The following ADAM32 variants were observed in gnomAD, a reference collection of about 807,000 sequenced individuals.
ADAM32 encodes the protein ADAM metallopeptidase domain 32.
Under a neutral mutation model 114.9 loss-of-function variants are expected in ADAM32, and 89 were observed. The ratio of observed to expected loss-of-function variants is 0.77; its 90% CI spans 0.65 to 0.92. ADAM32 has a LOEUF of 0.92. Ranked by LOEUF, ADAM32 falls within the 40% of genes least tolerant of loss-of-function variation. The probability of loss-of-function intolerance (pLI) is 0.00; values close to 1 mark genes in which losing one functional copy is unlikely to be tolerated. For synonymous variants in ADAM32, 285 were observed against 307.5 expected (o/e 0.93, Z 0.77); for missense variants, 870 against 932.8 (o/e 0.93, Z 0.88).
intron 22 of ADAM32, among the ~76,000 whole-genome samples, chr8:39,279,621 A>G (rs1446828038): frequency 6.6e-6 from 1 of 152,074 alleles, no homozygotes; most frequent in Admixed American, 6.6e-5. Flanking sequence ...CATGTATTAC[A>G]TCTTTCTACC....
At chr8:39,123,989 G>C (rs1312055542) in intron 2 of ADAM32, among the ~76,000 whole-genome samples, 1 of 151,692 alleles carries the variant, frequency 6.6e-6, no homozygotes, top group Non-Finnish European at 1.5e-5. Context: ...TTACAGGCAT[G>C]AGCCACTGTG....
chr8:39,132,640 G>A (rs776000772), intron 2 of ADAM32, among the ~76,000 whole-genome samples: 13 of 152,178 alleles, frequency 8.5e-5, no homozygotes, highest in South Asian at 6.2e-4. Context: ...TTACCATCTG[G>A]TGTTATTTCC....
chr8:39,151,227 C>G (rs1564490436), intron 5 of ADAM32, 150 bp from the exon 6 acceptor site: 2 of 615,284 alleles, frequency 3.3e-6, no homozygotes, highest in African/African-American at 1.9e-5. Flanking sequence ...TTTGGGAAAT[C>G]TTTTGTCTCT....
intron 10 of ADAM32, among the ~76,000 whole-genome samples, chr8:39,173,047 C>T (rs1360851762): frequency 6.6e-6 from 1 of 152,172 alleles, no homozygotes; most frequent in Non-Finnish European, 1.5e-5. Flanking sequence ...ATCACGAGGT[C>T]AGGAGTTTGA....
intron 16 of ADAM32, among the ~76,000 whole-genome samples, chr8:39,244,522 A>C (rs955777058): frequency 1.3e-5 from 2 of 152,256 alleles, no homozygotes; most frequent in African/African-American, 4.8e-5. Flanking sequence ...GATCTTTGAC[A>C]AAGCAAACAA....
rs772951550 is a variant in ADAM32 at position 39,211,148 on chromosome 8, T to G, written c.1057T>G (p.Ser353Ala). Residue 353 changes from serine to alanine, a missense_variant, in exon 12 of 25, where the codon TCC becomes GCC. Physicochemically the swap from Ser to Ala is moderately conservative, Grantham distance 99. Coordinates refer to ENST00000379907, the MANE Select transcript of ADAM32 (RefSeq NM_145004.7). ...ATTATATGGATTCATCTTTAGGCAA[T>G]CCAATGGTGTGAAGACTTTTAGCAG... is the stretch of plus-strand genomic sequence containing the variant. ...TCIMNPEVVQ[S>A]NGVKTFSSCS... 6.4e-7 allele frequency: 1 copy of G among 1,574,768 alleles called. No individual in the cohort carries two copies. Among genetic ancestry groups the G allele is most frequent in the Non-Finnish European group, 8.6e-7 (1 of 1,163,872 alleles).
intron 22 of ADAM32, among the ~76,000 whole-genome samples, chr8:39,277,515 C>T (rs1380595473): frequency 6.6e-6 from 1 of 152,206 alleles, no homozygotes; most frequent in African/African-American, 2.4e-5. Context: ...TTCCCTGACC[C>T]CTTCAGGGGA....
chr8:39,163,990 A>G (rs1475551945), intron 7 of ADAM32, among the ~76,000 whole-genome samples: 5 of 152,174 alleles, frequency 3.3e-5, no homozygotes. Context: ...GTATGTATAC[A>G]TACACACACA....
intron 10 of ADAM32, among the ~76,000 whole-genome samples, chr8:39,174,726 A>G (rs1585458231): frequency 6.9e-6 from 1 of 145,208 alleles, no homozygotes; most frequent in African/African-American, 2.6e-5. Context: ...AAGAATGTCA[A>G]TGGTAGTTTA....
chr8:39,230,004 C>T (rs111725568), intron 14 of ADAM32, among the ~76,000 whole-genome samples: 1 of 152,236 alleles, frequency 6.6e-6, no homozygotes, highest in Non-Finnish European at 1.5e-5. Context: ...CTCTCTCAGA[C>T]CACATTTATC....
At chr8:39,199,055 A>G (rs1304720851) in intron 11 of ADAM32, among the ~76,000 whole-genome samples, 2 of 152,148 alleles carry the variant, frequency 1.3e-5, no homozygotes, top group Non-Finnish European at 2.9e-5. Context: ...CTGGCCTATA[A>G]GGTTTCTGCT....
chr8:39,167,455 A>C (rs1451383847), intron 9 of ADAM32: 2 of 152,178 alleles, frequency 1.3e-5, no homozygotes, highest in African/African-American at 4.8e-5. Flanking sequence ...GCCTTACAGT[A>C]TAGTTTCAAA....
At chr8:39,175,048 T>C (rs1440107734) in intron 10 of ADAM32, among the ~76,000 whole-genome samples, 1 of 152,208 alleles carries the variant, frequency 6.6e-6, no homozygotes, top group Non-Finnish European at 1.5e-5. Flanking sequence ...CCTGAGACAT[T>C]GCTGAAGTTG....
At chr8:39,226,850 G>A (rs1440236950) in intron 14 of ADAM32, among the ~76,000 whole-genome samples, 2 of 152,150 alleles carry the variant, frequency 1.3e-5, no homozygotes, top group African/African-American at 2.4e-5. Context: ...GTAAAAGTAA[G>A]TATATAGTCA....
intron 1 of ADAM32, among the ~76,000 whole-genome samples, chr8:39,115,585 TG>T (rs199966880): frequency 2.6e-5 from 4 of 151,742 alleles, no homozygotes; most frequent in African/African-American, 9.7e-5. Context: ...CATTTTTTAA[TG>T]GGTTTTTTTT....
At chr8:39,157,894 T>C in intron 6 of ADAM32, 1 of 465,440 alleles carries the variant, frequency 2.1e-6, no homozygotes, top group Non-Finnish European at 4.0e-6. Flanking sequence ...TTCTTGTTGA[T>C]CTCAGTGCAG....
At chr8:39,130,944 G>A (rs10101239) in intron 2 of ADAM32, 180,400 of 424,174 alleles carry the variant, frequency 0.43, 39,058 homozygotes, top group East Asian at 0.6. Flanking sequence ...GGAGACTGAG[G>A]CAGGAGGATG....
chr8:39,154,488 A>G (rs540967208), intron 6 of ADAM32, among the ~76,000 whole-genome samples: 2 of 152,136 alleles, frequency 1.3e-5, no homozygotes, highest in Non-Finnish European at 2.9e-5. Flanking sequence ...TGAACAGTGC[A>G]GCAATAAACA....
At chr8:39,228,375 G>A (rs771241093) in intron 14 of ADAM32, among the ~76,000 whole-genome samples, 25 of 152,156 alleles carry the variant, frequency 1.6e-4, no homozygotes, top group Non-Finnish European at 3.1e-4. Flanking sequence ...TAGCTATTAA[G>A]CTAATCAGGG....
Sources: allele counts gnomAD v4.1 joint callset (sites outside exome capture counted in the v4.1 genomes callset), GRCh38; gene constraint gnomAD v4.1.1; transcripts MANE v1.5; gene names NCBI Gene and HGNC (gene_info 2026-07-23, HGNC 2026-07-21).